NOP9: variants seen among roughly 807,000 people sequenced by gnomAD.
NOP9 encodes nucleolar protein 9.
A neutral mutation model predicts 63.0 loss-of-function variants in NOP9; 50 were observed. That is an observed-to-expected ratio of 0.79 (90% CI 0.63 to 1.00). The LOEUF is 1.00. Among genes scored for constraint, NOP9 ranks in the 50% least tolerant of loss-of-function variants. NOP9 has a pLI of 0.00. For missense variants in NOP9, 758 were observed against 803.0 expected (o/e 0.94, Z 0.68); for synonymous variants, 343 against 332.8 (o/e 1.03, Z -0.33).
At chr14:24,277,865 C>T in the NOP9 span, among the ~76,000 whole-genome samples, 2 of 152,054 alleles carry the variant, frequency 1.3e-5, no homozygotes, top group Admixed American at 6.5e-5. Flanking sequence ...GCAACTCAGG[C>T]CAGATGGTCT....
the NOP9 span, among the ~76,000 whole-genome samples, chr14:24,288,676 T>A: frequency 6.6e-6 from 1 of 152,148 alleles, no homozygotes; most frequent in Non-Finnish European, 1.5e-5. Flanking sequence ...TGGTTATGTA[T>A]TGCTTGATGC....
At chr14:24,301,559 C>T in intron 2 of NOP9, 53 bp from the exon 3 acceptor site, 2 of 1,604,204 alleles carry the variant, frequency 1.2e-6, no homozygotes, top group Middle Eastern at 1.7e-4. Context: ...TTTTTCTCTC[C>T]TGGATGGCAG....
At position 24,300,122 on chromosome 14, in the gene NOP9, C is replaced by A; in HGVS notation, c.168C>A (p.His56Gln). The A allele has an allele frequency of 6.2e-7, 1 of 1,613,704 alleles. No individual in the cohort carries two copies. Among genetic ancestry groups the A allele is most frequent in the Non-Finnish European group, 8.5e-7 (1 of 1,179,896 alleles). ...AGCCGGCTCCAGATTCGCACCCGCA[C>A]CTGAGCCCGGAAGCTCTGGGATATT... ...RSEPAPDSHP[H>Q]LSPEALGYFR... The change falls in exon 1 of 10, where the codon CAC (histidine) becomes CAA (glutamine). Residue 56 changes from histidine (H) to glutamine (Q), a missense_variant. Transcript: ENST00000267425.
At chr14:24,298,967 A>G (rs765157232), upstream of NOP9, 65 of 1,609,170 alleles carry the variant, frequency 4.0e-5, no homozygotes, top group Non-Finnish European at 5.3e-5. Context: ...CTCCTGAGCA[A>G]CAACGCGAAG....
the NOP9 span, among the ~76,000 whole-genome samples, chr14:24,272,538 A>G: frequency 6.6e-6 from 1 of 152,210 alleles, no homozygotes; most frequent in Non-Finnish European, 1.5e-5. Flanking sequence ...AAGTCTTTTC[A>G]GTGTTCTCCA....
At chr14:24,291,174 T>C in the NOP9 span, 1 of 1,614,014 alleles carries the variant, frequency 6.2e-7, no homozygotes, top group Non-Finnish European at 8.5e-7. Context: ...TCGAGCAAGG[T>C]CACAGGATGG....
At chr14:24,303,510 TTG>T (rs150261409) in intron 6 of NOP9, among the ~76,000 whole-genome samples, 2 of 152,054 alleles carry the variant, frequency 1.3e-5, no homozygotes, top group East Asian at 3.9e-4. Context: ...GGAACAAAAA[TTG>T]TCTCCCAGAA....
the NOP9 span, among the ~76,000 whole-genome samples, chr14:24,280,716 C>G: frequency 2.0e-5 from 3 of 152,216 alleles, no homozygotes; most frequent in East Asian, 3.8e-4. Context: ...GGAGCAAATA[C>G]ACACCTAAGA....
At position 24,300,452 on chromosome 14, in the gene NOP9, C is replaced by T. The variant is rs541939642; in HGVS notation, c.292C>T (p.Leu98=). Residue 98 remains leucine (L), a synonymous_variant, in exon 2 of 10, where the codon CTA becomes TTA. Coordinates refer to ENST00000267425, the MANE Select transcript of NOP9 (RefSeq NM_174913.3). ...NIMKEVETQA[L]ALSTNRTGSE... ...AATGAAGGAAGTAGAGACTCAGGCC[C>T]TAGCTTTGTCCACGAACAGGACTGG... The T allele has an allele frequency of 8.0e-5, 129 of 1,614,162 alleles. 2 individuals are homozygous for T. In the South Asian group the frequency reaches 1.3e-3, roughly 17 times the overall value.
chr14:24,292,837 G>C, the NOP9 span: 2 of 1,566,326 alleles, frequency 1.3e-6, no homozygotes, highest in South Asian at 2.4e-5. Context: ...GCTGGCCTGG[G>C]TGCCACAGCC....
In NOP9 at chr14:24,307,404, C is replaced by T. The variant is rs1349756953; in HGVS notation, c.*2309C>T. The T allele has an allele frequency of 3.7e-6, 6 of 1,613,782 alleles. No homozygotes were observed. In the Admixed American group the frequency reaches 1.0e-4, roughly 27 times the overall value. On this transcript the variant is annotated 3_prime_UTR_variant, in exon 10 of 10. Transcript: ENST00000267425. ...GCAGCTCCTGGCGGGTGGCAGCTGT[C>T]AGGCCTTTCCGGATGGTCCGCTTGT...
At chr14:24,274,124 A>G in the NOP9 span, among the ~76,000 whole-genome samples, 1 of 152,074 alleles carries the variant, frequency 6.6e-6, no homozygotes, top group African/African-American at 2.4e-5. Context: ...CCTCACCACC[A>G]GCCTTCTTTT....
At chr14:24,290,136 A>G in the NOP9 span, among the ~76,000 whole-genome samples, 2 of 152,368 alleles carry the variant, frequency 1.3e-5, no homozygotes, top group South Asian at 2.1e-4. Context: ...GGCTCATGCA[A>G]TTAGTTCTGC....
the NOP9 span, chr14:24,292,236 A>G: frequency 6.2e-7 from 1 of 1,614,102 alleles, no homozygotes; most frequent in Non-Finnish European, 8.5e-7. Context: ...ATGCTCCTTC[A>G]GCAGTTCTGT....
chr14:24,297,902 GC>G (rs2041282224), upstream of NOP9, among the ~76,000 whole-genome samples: 1 of 152,256 alleles, frequency 6.6e-6, no homozygotes, highest in Middle Eastern at 3.4e-3. Flanking sequence ...ACTTTCCCTA[GC>G]CACTCTCCTA....
the NOP9 span, among the ~76,000 whole-genome samples, chr14:24,280,315 G>A: frequency 0.049 from 7,454 of 152,256 alleles, 245 homozygotes; most frequent in South Asian, 0.087. Context: ...TCTGAGAATG[G>A]GGGTGGGCTT....
rs909122402 is a variant in NOP9, at chr14:24,307,363, CTACT to C, written c.*2274_*2277del. On this transcript the variant is annotated 3_prime_UTR_variant, in exon 10 of 10. Coordinates refer to ENST00000267425, the MANE Select transcript of NOP9 (RefSeq NM_174913.3). The stretch of plus-strand genomic sequence containing the variant: ...TGCTATAGGAACCGAGGAACTTGGC[CTACT>C]TACTTTGGCTAGCAGCTCCTGGCGG... 6.2e-7 allele frequency: 1 copy of C among 1,611,038 alleles called. No homozygotes were observed. Among genetic ancestry groups the C allele is most frequent in the African/African-American group, 1.3e-5 (1 of 74,834 alleles).
At chr14:24,301,840 G>C in intron 3 of NOP9, 118 bp downstream of exon 3, 1 of 1,453,946 alleles carries the variant, frequency 6.9e-7, no homozygotes, top group Non-Finnish European at 9.6e-7. Flanking sequence ...CTGGTTTGAC[G>C]TTCAGAGCAC....
chr14:24,303,189 C>T lies in NOP9; in HGVS notation c.1259C>T (p.Ala420Val). 6.2e-7 allele frequency: 1 copy of T among 1,614,122 alleles called. No homozygotes were observed. The highest frequency in any genetic ancestry group is 8.5e-7 in the Non-Finnish European group (1 of 1,180,024). Residue 420 changes from alanine (A) to valine (V), a missense_variant, in exon 6 of 10, where the codon GCC becomes GTC. Physicochemically the swap from Ala to Val is moderately conservative, Grantham distance 64. Transcript: ENST00000267425. ...TGTCGCAGAGTTGGGGCCTACCAAG[C>T]CAAGGTCCTACAGCTCTTGTTGGAG... is the stretch of plus-strand genomic sequence containing the variant. Reference protein sequence around the residue: ...GACRRVGAYQAKVLQLLLEAF... With the variant: ...GACRRVGAYQVKVLQLLLEAF...
Sources: allele counts gnomAD v4.1 joint callset (sites outside exome capture counted in the v4.1 genomes callset), GRCh38; gene constraint gnomAD v4.1.1; transcripts MANE v1.5; gene names NCBI Gene and HGNC (gene_info 2026-07-23, HGNC 2026-07-21).